The following RBFOX1 variants were observed in gnomAD, a reference collection of about 807,000 sequenced individuals.
RBFOX1 encodes the protein RNA binding protein fox-1 homolog 1.
In RBFOX1, 8 loss-of-function variants were observed where a neutral mutation model predicts 57.7. The ratio of observed to expected loss-of-function variants is 0.14; its 90% CI spans 0.08 to 0.25. The LOEUF (loss-of-function observed/expected upper bound fraction) is 0.25. Ranked by LOEUF, RBFOX1 falls within the 10% of genes least tolerant of loss-of-function variation. The probability of loss-of-function intolerance (pLI) is 1.00; values close to 1 mark genes in which losing one functional copy is unlikely to be tolerated. For missense variants in RBFOX1, 611 were observed against 548.5 expected, an observed-to-expected ratio of 1.11 and a Z score of -1.14; for synonymous variants, 326 against 222.4, an observed-to-expected ratio of 1.47 and a Z score of -4.15.
At chr16:6,515,428 T>G (rs2096356584) in intron 2 of RBFOX1, among the ~76,000 whole-genome samples, 1 of 152,206 alleles carries the variant, frequency 6.6e-6, no homozygotes, top group Admixed American at 6.5e-5. Flanking sequence ...TCCTCCCATT[T>G]TGGTCCTGGA....
intron 2 of RBFOX1, among the ~76,000 whole-genome samples, chr16:6,370,790 A>T (rs556559086): frequency 4.3e-4 from 66 of 152,364 alleles, no homozygotes; most frequent in African/African-American, 1.6e-3. Context: ...AATGTTCTTA[A>T]TGCCACTTAA....
chr16:7,637,495 G>A (rs1360935220), intron 11 of RBFOX1, among the ~76,000 whole-genome samples: 1 of 152,098 alleles, frequency 6.6e-6, no homozygotes, highest in East Asian at 1.9e-4. Flanking sequence ...ACATAAATCA[G>A]GCCTGTACTA....
chr16:5,919,430 C>T (rs1268904698), intron 4 of RBFOX1, among the ~76,000 whole-genome samples: 1 of 152,082 alleles, frequency 6.6e-6, no homozygotes, highest in African/African-American at 2.4e-5. Context: ...GCAACTTCCT[C>T]CTCCTGGGTT....
At chr16:7,169,658 C>T (rs1382877555) in intron 4 of RBFOX1, among the ~76,000 whole-genome samples, 1 of 152,178 alleles carries the variant, frequency 6.6e-6, no homozygotes, top group Non-Finnish European at 1.5e-5. Flanking sequence ...AATGACAGAA[C>T]CAAATTTTGG....
chr16:5,388,883 G>A (rs2066326944), intron 1 of RBFOX1, among the ~76,000 whole-genome samples: 1 of 149,322 alleles, frequency 6.7e-6, no homozygotes, highest in Non-Finnish European at 1.5e-5. Context: ...TGCCAGAAGT[G>A]TTTATTTCTT....
At chr16:5,365,104 G>T (rs2065673259) in intron 1 of RBFOX1, among the ~76,000 whole-genome samples, 1 of 152,106 alleles carries the variant, frequency 6.6e-6, no homozygotes, top group South Asian at 2.1e-4. Context: ...CCTACTTACT[G>T]CTGTGGGCAG....
At chr16:6,299,304 T>C (rs774594746) in intron 1 of RBFOX1, among the ~76,000 whole-genome samples, 2 of 152,236 alleles carry the variant, frequency 1.3e-5, no homozygotes, top group Non-Finnish European at 2.9e-5. Flanking sequence ...AACCATGTTA[T>C]TTACTGACAT....
At chr16:7,062,850 C>G (rs536413208) in intron 4 of RBFOX1, among the ~76,000 whole-genome samples, 2 of 130,846 alleles carry the variant, frequency 1.5e-5, no homozygotes, top group African/African-American at 5.5e-5. Flanking sequence ...GGTTATCCAT[C>G]TATCCGTCCC....
At chr16:6,299,183 T>C (rs1254997847) in intron 1 of RBFOX1, among the ~76,000 whole-genome samples, 1 of 152,166 alleles carries the variant, frequency 6.6e-6, no homozygotes, top group Non-Finnish European at 1.5e-5. Context: ...GGAAAGAAAA[T>C]GCAAGTGTCC....
chr16:5,284,700 C>T (rs1298109846), intron 1 of RBFOX1, among the ~76,000 whole-genome samples: 3 of 144,876 alleles, frequency 2.1e-5, no homozygotes, highest in Non-Finnish European at 4.5e-5. Flanking sequence ...AGCCACTGTG[C>T]CAGGCTCCTT....
chr16:6,611,519 G>A (rs946823727), intron 2 of RBFOX1, among the ~76,000 whole-genome samples: 1 of 152,132 alleles, frequency 6.6e-6, no homozygotes, highest in Non-Finnish European at 1.5e-5. Context: ...TTGCCCCCGT[G>A]TGATTCTGGT....
chr16:5,371,012 A>G (rs2065844063), intron 1 of RBFOX1, among the ~76,000 whole-genome samples: 2 of 152,196 alleles, frequency 1.3e-5, no homozygotes, highest in African/African-American at 2.4e-5. Context: ...CAGTGGCACG[A>G]TCTTGGCTCA....
chr16:6,866,697 A>G (rs2142988035), intron 3 of RBFOX1, among the ~76,000 whole-genome samples: 1 of 151,716 alleles, frequency 6.6e-6, no homozygotes, highest in South Asian at 2.1e-4. Flanking sequence ...GCCTGCCACC[A>G]CGCCTGGCTG....
At chr16:6,068,247 C>T (rs374005987) in intron 1 of RBFOX1, among the ~76,000 whole-genome samples, 5 of 152,280 alleles carry the variant, frequency 3.3e-5, no homozygotes, top group South Asian at 2.1e-4. Flanking sequence ...TTGGGAAATG[C>T]GTCTTCAGCA....
intron 1 of RBFOX1, among the ~76,000 whole-genome samples, chr16:5,334,832 C>A (rs144666768): frequency 1.6e-4 from 25 of 151,726 alleles, no homozygotes; most frequent in Middle Eastern, 3.4e-3. Flanking sequence ...AGTTGGCCAT[C>A]TTTAAGCATG....
intron 3 of RBFOX1, among the ~76,000 whole-genome samples, chr16:7,003,240 C>T (rs1347012562): frequency 6.6e-6 from 1 of 151,988 alleles, no homozygotes; most frequent in African/African-American, 2.4e-5. Context: ...GTGGGTGGAT[C>T]ACAAGGTCAG....
At chr16:5,424,962 TTC>T (rs1258161228) in intron 1 of RBFOX1, among the ~76,000 whole-genome samples, 4,638 of 63,674 alleles carry the variant, frequency 0.073, 339 homozygotes, top group African/African-American at 0.12. Context: ...CTTTGTTTCT[TTC>T]TCTTTCTTTC....
Position 6,535,847 on chromosome 16 carries a change from T to G in RBFOX1, c.-63-118756T>G, listed in dbSNP as rs550660021. The stretch of plus-strand genomic sequence containing the variant: ...AGTTTCTCCCTCTCTGTTCTCTTTT[T>G]CTCAATAGTGGCAATGTAGATTTTT... On this transcript the variant is annotated intron_variant, in intron 2 of 15. Transcript: ENST00000550418. Among the ~76,000 whole-genome samples, 3 of 152,354 alleles carry G rather than the reference T, an allele frequency of 2.0e-5. No individual in the cohort carries two copies. In the South Asian group the frequency reaches 6.2e-4, roughly 32 times the overall value.
chr16:7,182,250 G>A (rs1284744535), intron 4 of RBFOX1, among the ~76,000 whole-genome samples: 1 of 152,004 alleles, frequency 6.6e-6, no homozygotes. Flanking sequence ...GTTTACCTTC[G>A]CTTTGTAAAC....
Sources: gnomAD v4.1 joint callset for allele counts (sites outside exome capture counted in the v4.1 genomes callset) on GRCh38, gnomAD v4.1.1 for gene constraint, MANE v1.5 for transcripts, NCBI Gene and HGNC (gene_info 2026-07-23, HGNC 2026-07-21) for gene names.